PDZRN3: variants seen among roughly 807,000 people sequenced by gnomAD.
PDZRN3 encodes E3 ubiquitin-protein ligase PDZRN3.
In PDZRN3, 38 loss-of-function variants were observed where a neutral mutation model predicts 85.7. That is an observed-to-expected ratio of 0.44 (90% CI 0.34 to 0.58). PDZRN3 has a LOEUF of 0.58. Ranked by LOEUF, PDZRN3 falls within the 20% of genes least tolerant of loss-of-function variation. The pLI, the probability that PDZRN3 is intolerant of heterozygous loss-of-function variation, is 0.01. For missense variants in PDZRN3, 1,629 were observed against 1,506.4 expected (o/e 1.08, Z -1.35); for synonymous variants, 759 against 638.0 (o/e 1.19, Z -2.86).
At chr3:73,615,493 G>T (rs1325936199) in intron 1 of PDZRN3, among the ~76,000 whole-genome samples, 1 of 152,132 alleles carries the variant, frequency 6.6e-6, no homozygotes, top group East Asian at 1.9e-4. Context: ...CCAAAGTGAT[G>T]GTATTAGCAG....
intron 3 of PDZRN3, among the ~76,000 whole-genome samples, chr3:73,549,780 C>T (rs935609129): frequency 3.9e-5 from 6 of 152,206 alleles, no homozygotes; most frequent in African/African-American, 1.2e-4. Context: ...GAGTCACCTT[C>T]GTACTTCTGT....
chr3:73,447,488 T>C (rs1484211215), intron 3 of PDZRN3, among the ~76,000 whole-genome samples: 1 of 152,166 alleles, frequency 6.6e-6, no homozygotes, highest in Non-Finnish European at 1.5e-5. Flanking sequence ...TTAACTTCTC[T>C]TCTTTCTCAC....
intron 3 of PDZRN3, among the ~76,000 whole-genome samples, chr3:73,444,452 A>C (rs925514831): frequency 1.3e-5 from 2 of 152,220 alleles, no homozygotes; most frequent in Non-Finnish European, 2.9e-5. Flanking sequence ...CTAAGAGGAA[A>C]GCAACAAGTT....
intron 5 of PDZRN3, among the ~76,000 whole-genome samples, chr3:73,395,940 G>A (rs1331149839): frequency 6.6e-6 from 1 of 152,182 alleles, no homozygotes; most frequent in African/African-American, 2.4e-5. Context: ...AGTAAATAAT[G>A]GGCCGGGTGC....
chr3:73,549,243 G>A (rs532290983), intron 3 of PDZRN3, among the ~76,000 whole-genome samples: 32 of 152,322 alleles, frequency 2.1e-4, no homozygotes, highest in Middle Eastern at 3.4e-3. Context: ...TAACAATGGT[G>A]AATGCAGTGG....
chr3:73,394,279 G>A (rs1701590752), intron 5 of PDZRN3, among the ~76,000 whole-genome samples: 2 of 152,030 alleles, frequency 1.3e-5, no homozygotes, highest in Non-Finnish European at 2.9e-5. Context: ...GAGAGAAGAG[G>A]GTCCAATTAA....
At chr3:73,591,267 T>C (rs1702352959) in intron 3 of PDZRN3, among the ~76,000 whole-genome samples, 1 of 152,214 alleles carries the variant, frequency 6.6e-6, no homozygotes, top group Non-Finnish European at 1.5e-5. Context: ...CTTAATGTTT[T>C]TGGCACTTTA....
In PDZRN3 at chr3:73,624,118, C is replaced by T; in HGVS notation, c.708G>A (p.Ala236=). 1 of 1,463,838 alleles carries T rather than the reference C, an allele frequency of 6.8e-7. No individual in the cohort carries two copies. The highest frequency in any genetic ancestry group is 9.0e-7 in the Non-Finnish European group (1 of 1,115,914). The allele number at this position is 1,463,838 out of a possible 1,614,324, so 90.7% of individuals were successfully genotyped here. Reference sequence around the variant, plus strand: ...AGGCGCCTACCTTGCCGCCGGGCGGCGCGGCCACGCAGCGGCTGAGCGAGT... The same window carrying T: ...AGGCGCCTACCTTGCCGCCGGGCGGTGCGGCCACGCAGCGGCTGAGCGAGT... The part of the protein sequence containing the change: ...RLDSLSRCVA[A]PPGGKGEETK... Residue 236 remains alanine, a synonymous_variant, in exon 1 of 10, where the codon GCG becomes GCA. Transcript: ENST00000263666.
chr3:73,388,091 T>C, intron 7 of PDZRN3, 22 bp from the exon 8 acceptor site: 3 of 754,152 alleles, frequency 4.0e-6, no homozygotes, highest in Non-Finnish European at 4.4e-6. Flanking sequence ...AAAGGGGGGG[T>C]GGGGAGAGTG....
intron 3 of PDZRN3, among the ~76,000 whole-genome samples, chr3:73,478,545 TATA>T (rs1018592578): frequency 1.3e-5 from 2 of 151,004 alleles, no homozygotes; most frequent in African/African-American, 4.8e-5. Flanking sequence ...GTAATAATAA[TATA>T]ATAATAATGT....
rs768320565 is a variant in PDZRN3 at position 73,443,479 on chromosome 3, C to CT, written c.919-39085dup. On this transcript the variant is annotated intron_variant, in intron 3 of 9. Coordinates refer to ENST00000263666, the MANE Select transcript of PDZRN3 (RefSeq NM_015009.3). ...ATTAACTTGATTTATTTTCCTTTTTCTTTTTTTTTTTTTTTTTTTGGGGGG... is the reference window on the plus strand; with the variant it reads ...ATTAACTTGATTTATTTTCCTTTTTCTTTTTTTTTTTTTTTTTTTTGGGGGG... Among the ~76,000 whole-genome samples the CT allele has an allele frequency of 8.9e-3, 430 of 48,106 alleles. 3 individuals are homozygous for CT. The highest frequency in any genetic ancestry group is 0.019 in the Middle Eastern group (2 of 108). The allele number at this position is 48,106 out of a possible 152,430, so 31.6% of individuals were successfully genotyped here.
At chr3:73,464,114 T>C (rs1379188374) in intron 3 of PDZRN3, among the ~76,000 whole-genome samples, 7 of 152,172 alleles carry the variant, frequency 4.6e-5, no homozygotes, top group Non-Finnish European at 1.0e-4. Flanking sequence ...GCCTCCATAG[T>C]AGCTGGGATC....
intron 3 of PDZRN3, among the ~76,000 whole-genome samples, chr3:73,599,764 G>A (rs1056867760): frequency 2.0e-5 from 3 of 152,208 alleles, no homozygotes; most frequent in African/African-American, 4.8e-5. Context: ...CATGGCGCCT[G>A]GGCCACCAGC....
chr3:73,419,231 A>AGG (rs1374642536), intron 3 of PDZRN3, among the ~76,000 whole-genome samples: 1 of 152,168 alleles, frequency 6.6e-6, no homozygotes, highest in East Asian at 1.9e-4. Flanking sequence ...AGAGAGAGAG[A>AGG]GGGGAGTTCA....
chr3:73,569,947 A>C (rs1005039875), intron 3 of PDZRN3, among the ~76,000 whole-genome samples: 6 of 152,186 alleles, frequency 3.9e-5, no homozygotes, highest in African/African-American at 1.4e-4. Context: ...CAGGAGGCAG[A>C]CAGGAGTTGG....
At chr3:73,575,962 A>G (rs1435727850) in intron 3 of PDZRN3, among the ~76,000 whole-genome samples, 2 of 152,198 alleles carry the variant, frequency 1.3e-5, no homozygotes, top group African/African-American at 4.8e-5. Context: ...ATAGAAAGAG[A>G]GACAGAGAGG....
At chr3:73,596,281 C>A (rs767467873) in intron 3 of PDZRN3, among the ~76,000 whole-genome samples, 3 of 152,062 alleles carry the variant, frequency 2.0e-5, no homozygotes, top group East Asian at 3.8e-4. Flanking sequence ...CTTCTTATAG[C>A]GGAAAGTCAA....
In PDZRN3 at chr3:73,574,457, T is replaced by TTG. The variant is rs1553704234; in HGVS notation, c.918+27896_918+27897insCA. Among the ~76,000 whole-genome samples, 14 of 120,914 alleles carry TTG rather than the reference T, an allele frequency of 1.2e-4. 1 individual carries two copies. Among genetic ancestry groups the TTG allele is most frequent in the East Asian group, 9.6e-4 (4 of 4,178 alleles). The allele number at this position is 120,914 out of a possible 152,430, so 79.3% of individuals were successfully genotyped here. On this transcript the variant is annotated intron_variant, in intron 3 of 9. Coordinates refer to ENST00000263666, the MANE Select transcript of PDZRN3 (RefSeq NM_015009.3). The stretch of plus-strand genomic sequence containing the variant: ...AAGAAGCACTTTTTTTTGGCTGGGG[T>TTG]GGGGGGGGTGGGGAGGGCGGAAATG...
chr3:73,421,717 G>A (rs567740209), intron 3 of PDZRN3, among the ~76,000 whole-genome samples: 7 of 152,176 alleles, frequency 4.6e-5, no homozygotes, highest in South Asian at 4.2e-4. Flanking sequence ...GCATGATCTC[G>A]GCTCACTGCA....
Sources: gnomAD v4.1 joint callset for allele counts (sites outside exome capture counted in the v4.1 genomes callset) on GRCh38, gnomAD v4.1.1 for gene constraint, MANE v1.5 for transcripts, NCBI Gene and HGNC (gene_info 2026-07-23, HGNC 2026-07-21) for gene names.